SIK3: variants seen among roughly 807,000 people sequenced by gnomAD.
SIK3 encodes the protein serine/threonine-protein kinase SIK3.
A neutral mutation model predicts 144.2 loss-of-function variants in SIK3; 28 were observed. The ratio of observed to expected loss-of-function variants is 0.19; its 90% confidence interval spans 0.14 to 0.27. The LOEUF (loss-of-function observed/expected upper bound fraction) is 0.27, where lower values mean the gene tolerates loss of function less well. Among genes scored for constraint, SIK3 ranks in the 10% least tolerant of loss-of-function variants. SIK3 has a pLI of 1.00. For synonymous variants in SIK3, 686 were observed against 676.3 expected (o/e 1.01, Z -0.22); for missense variants, 1,319 against 1,776.0 (o/e 0.74, Z 4.62).
intron 12 of SIK3, 92 bp from the exon 13 acceptor site, chr11:116,873,728 C>G: frequency 6.7e-7 from 1 of 1,486,842 alleles, no homozygotes; most frequent in South Asian, 1.4e-5. Context: ...ATTAAGGGAG[C>G]CATGGGTCAT....
chr11:116,900,765 A>T (rs1400743982), intron 4 of SIK3, among the ~76,000 whole-genome samples: 1 of 152,164 alleles, frequency 6.6e-6, no homozygotes, highest in Non-Finnish European at 1.5e-5. Context: ...ACCAGAAAAC[A>T]CCATGTCAAT....
intron 1 of SIK3, among the ~76,000 whole-genome samples, chr11:117,054,236 G>A (rs546332593): frequency 4.6e-5 from 7 of 152,354 alleles, no homozygotes; most frequent in South Asian, 2.1e-4. Context: ...CTTATTAGCA[G>A]GGAGTGCTTG....
chr11:116,920,111 G>A (rs964171925), intron 4 of SIK3, among the ~76,000 whole-genome samples: 1 of 150,784 alleles, frequency 6.6e-6, no homozygotes, highest in Non-Finnish European at 1.5e-5. Context: ...CTGCCTTCTC[G>A]GGGAGACTCC....
At chr11:116,910,985 T>A (rs553546997) in intron 4 of SIK3, among the ~76,000 whole-genome samples, 1 of 152,116 alleles carries the variant, frequency 6.6e-6, no homozygotes, top group South Asian at 2.1e-4. Flanking sequence ...TAAAACAATA[T>A]GGTGCCTGGT....
At position 116,846,294 on chromosome 11, in the gene SIK3, C is replaced by T; in HGVS notation, c.*13+89G>A. On this transcript the variant is annotated intron_variant, in intron 24 of 24. Coordinates refer to ENST00000445177, the MANE Select transcript of SIK3 (RefSeq NM_001366686.3). This position sits in a 1 kb window ranked among gnomAD's most constrained non-coding sequence, Gnocchi z 4.1. ...GTGGTACTGTCGACTGCACTGGCCA[C>T]CACAACACATGGGCTGAAGCTCCTG... 7.1e-7 allele frequency: 1 copy of T among 1,414,250 alleles called. No homozygotes were observed. Among genetic ancestry groups the T allele is most frequent in the Non-Finnish European group, 9.8e-7 (1 of 1,024,482 alleles). The allele number at this position is 1,414,250 out of a possible 1,614,324, so 87.6% of individuals were successfully genotyped here.
At chr11:117,018,711 A>AT (rs1276082684) in intron 1 of SIK3, among the ~76,000 whole-genome samples, 32 of 132,206 alleles carry the variant, frequency 2.4e-4, no homozygotes, top group African/African-American at 8.7e-4. Flanking sequence ...TTTTTATTTT[A>AT]TTTTATTTAT....
intron 3 of SIK3, among the ~76,000 whole-genome samples, chr11:116,942,428 A>T (rs372850585): frequency 6.6e-6 from 1 of 152,242 alleles, no homozygotes; most frequent in Non-Finnish European, 1.5e-5. Context: ...CAAAAATGAC[A>T]AAGTCTTTAA....
chr11:116,920,789 G>A (rs1946924356), intron 4 of SIK3, among the ~76,000 whole-genome samples: 1 of 152,230 alleles, frequency 6.6e-6, no homozygotes. Flanking sequence ...AGGCATGTAT[G>A]AGCCAGTGGG....
rs190438407 is a variant in SIK3, at chr11:116,900,904, G to T, written c.617-3587C>A. ...TTTGAGACAGAGTTTCACTCTTGTT[G>T]CCTAGGCTGGAGTGCAGTGGTGCGA... On this transcript the variant is annotated intron_variant, in intron 4 of 24. Transcript: ENST00000445177. Among the ~76,000 whole-genome samples, 8 of 146,416 alleles carry T rather than the reference G, an allele frequency of 5.5e-5. No homozygotes were observed. The East Asian group carries it at 1.2e-3, about 22-fold the overall frequency.
intron 15 of SIK3, among the ~76,000 whole-genome samples, chr11:116,866,899 G>A (rs933015333): frequency 1.3e-5 from 2 of 152,180 alleles, no homozygotes; most frequent in East Asian, 3.9e-4. Flanking sequence ...ATTTATGAAA[G>A]CTTATCTTCC....
intron 1 of SIK3, among the ~76,000 whole-genome samples, chr11:116,981,109 C>T (rs1024830310): frequency 6.6e-6 from 1 of 152,160 alleles, no homozygotes; most frequent in African/African-American, 2.4e-5. Context: ...CAAACCACTC[C>T]AAAATTTAGT....
intron 1 of SIK3, among the ~76,000 whole-genome samples, chr11:117,015,536 G>A (rs1447644800): frequency 6.7e-6 from 1 of 148,942 alleles, no homozygotes; most frequent in Non-Finnish European, 1.5e-5. Context: ...CTCAGCCTCT[G>A]GAGTAGCTGG....
chr11:116,859,449 C>T lies in SIK3; in HGVS notation c.2581G>A (p.Glu861Lys). Residue 861 changes from glutamate (E) to lysine (K), a missense_variant, in exon 20 of 25, where the codon GAG (glutamate) becomes AAG (lysine). Transcript: ENST00000445177. ...QSQQVTIQVQ[E>K]PVDMLSNMPG... Reference sequence around the variant, plus strand: ...ATGTTGCTGAGCATGTCAACAGGCTCTTGGACTTGGATGGTGACCTGCTGT... The same window carrying T: ...ATGTTGCTGAGCATGTCAACAGGCTTTTGGACTTGGATGGTGACCTGCTGT... 1 of 1,614,210 alleles carries T rather than the reference C, an allele frequency of 6.2e-7. No homozygotes were observed. The highest frequency in any genetic ancestry group is 8.5e-7 in the Non-Finnish European group (1 of 1,180,048).
At chr11:116,917,208 T>G (rs1274826108) in intron 4 of SIK3, among the ~76,000 whole-genome samples, 2 of 152,076 alleles carry the variant, frequency 1.3e-5, no homozygotes, top group African/African-American at 4.8e-5. Flanking sequence ...CTTCCCAACA[T>G]CAACTTGCAT....
intron 3 of SIK3, among the ~76,000 whole-genome samples, chr11:116,939,893 A>G (rs921894532): frequency 2.0e-5 from 3 of 152,226 alleles, no homozygotes; most frequent in African/African-American, 7.2e-5. Flanking sequence ...GATTATAAAA[A>G]ATTTAGACAT....
chr11:116,902,694 G>A (rs1380764074), intron 4 of SIK3, among the ~76,000 whole-genome samples: 1 of 152,154 alleles, frequency 6.6e-6, no homozygotes, highest in African/African-American at 2.4e-5. Context: ...AAATCCTCTA[G>A]TCTCAGAAAC....
intron 3 of SIK3, among the ~76,000 whole-genome samples, chr11:116,933,002 C>T (rs531346889): frequency 1.3e-5 from 2 of 152,200 alleles, no homozygotes; most frequent in African/African-American, 4.8e-5. Context: ...AACTCATGGG[C>T]TCAAGTGATA....
chr11:116,902,798 G>A (rs184014565), intron 4 of SIK3, among the ~76,000 whole-genome samples: 5 of 152,112 alleles, frequency 3.3e-5, no homozygotes. Flanking sequence ...CTGCCTACAA[G>A]ACACCTTTTA....
chr11:116,885,528 C>T (rs1315146739), intron 6 of SIK3, among the ~76,000 whole-genome samples: 2 of 152,208 alleles, frequency 1.3e-5, no homozygotes, highest in African/African-American at 4.8e-5. Flanking sequence ...TACTGTTTTA[C>T]AGGAGGCTGT....
Sources: allele counts gnomAD v4.1 joint callset (sites outside exome capture counted in the v4.1 genomes callset), GRCh38; gene constraint gnomAD v4.1.1; non-coding constraint Gnocchi (gnomAD v3.1); transcripts MANE v1.5; gene names NCBI Gene and HGNC (gene_info 2026-07-23, HGNC 2026-07-21).